Variants in PCDHGA11 observed in about 807,000 individuals in gnomAD.
PCDHGA11 encodes protocadherin gamma-A11.
A neutral mutation model predicts 60.4 loss-of-function variants in PCDHGA11; 39 were observed. The ratio of observed to expected loss-of-function variants is 0.65; its 90% CI spans 0.50 to 0.84. PCDHGA11 has a LOEUF of 0.84. Among genes scored for constraint, PCDHGA11 ranks in the 40% least tolerant of loss-of-function variants. PCDHGA11 has a pLI of 0.00. For missense variants in PCDHGA11, 1,165 were observed against 1,197.7 expected (o/e 0.97, Z 0.40); for synonymous variants, 533 against 510.3 (o/e 1.04, Z -0.60).
At chr5:141,494,772 G>C in intron 1 of PCDHGA11, 35 bp from the exon 2 acceptor site, 1 of 1,613,982 alleles carries the variant, frequency 6.2e-7, no homozygotes, top group Non-Finnish European at 8.5e-7. Context: ...ACTTCTCACG[G>C]GTACTCAGCC....
intron 1 of PCDHGA11, chr5:141,428,257 G>T: frequency 1.2e-6 from 1 of 865,866 alleles, no homozygotes; most frequent in South Asian, 1.4e-5. Context: ...AGACTTCAGT[G>T]ACAGTCCTGT....
chr5:141,510,910 A>C (rs780792326), intron 3 of PCDHGA11, 37 bp from the exon 4 acceptor site: 4 of 1,613,740 alleles, frequency 2.5e-6, no homozygotes, highest in Admixed American at 3.3e-5. Flanking sequence ...GAGGACCCTA[A>C]GTTTAGCTCC....
rs551220443 is a variant in PCDHGA11, at chr5:141,432,206, G to A, written c.2433+8546G>A. On this transcript the variant is annotated intron_variant, in intron 1 of 3. Transcript: ENST00000398587. The surrounding 1 kb of genome is among the most constrained non-coding windows in gnomAD (Gnocchi z 6.0). ...GACCGCCCACGACCCCGACTGTGAA[G>A]AGAACGCCCAGATCACTTATTCCCT... The A allele has an allele frequency of 6.2e-7, 1 of 1,614,096 alleles. No individual in the cohort carries two copies. Among genetic ancestry groups the A allele is most frequent in the Non-Finnish European group, 8.5e-7 (1 of 1,180,042 alleles).
chr5:141,478,418 C>A, intron 1 of PCDHGA11: 1 of 1,613,650 alleles, frequency 6.2e-7, no homozygotes, highest in Non-Finnish European at 8.5e-7. Context: ...GGACTCCCGC[C>A]GCAGCGACCC....
Position 141,494,770 on chromosome 5 carries a change from C to T in PCDHGA11, c.2434-37C>T, listed in dbSNP as rs767006872. 43 of 1,614,022 alleles carry T rather than the reference C, an allele frequency of 2.7e-5. No homozygotes were observed. In the East Asian group the frequency reaches 7.6e-4, roughly 28 times the overall value. On this transcript the variant is annotated intron_variant, in intron 1 of 3. Coordinates refer to ENST00000398587, the MANE Select transcript of PCDHGA11 (RefSeq NM_018914.3). ...GCTCGGGTGACATTCTAACTTCTCA[C>T]GGGTACTCAGCCCCTTTCCCTCTGT...
chr5:141,435,760 T>C (rs1241767830), intron 1 of PCDHGA11, among the ~76,000 whole-genome samples: 1 of 152,172 alleles, frequency 6.6e-6, no homozygotes, highest in Non-Finnish European at 1.5e-5. Context: ...TTGATTTCTT[T>C]TGGTGAATTC....
At chr5:141,472,022 T>C (rs949257396) in intron 1 of PCDHGA11, among the ~76,000 whole-genome samples, 1 of 152,176 alleles carries the variant, frequency 6.6e-6, no homozygotes, top group Non-Finnish European at 1.5e-5. Flanking sequence ...CTATATTGTA[T>C]GTAGAAAGCT....
At position 141,431,353 on chromosome 5, in the gene PCDHGA11, C is replaced by T. The variant is rs1273946805; in HGVS notation, c.2433+7693C>T. 1 of 1,613,940 alleles carries T rather than the reference C, an allele frequency of 6.2e-7. No homozygotes were observed. Among genetic ancestry groups the T allele is most frequent in the Non-Finnish European group, 8.5e-7 (1 of 1,180,042 alleles). On this transcript the variant is annotated intron_variant, in intron 1 of 3. Coordinates refer to ENST00000398587, the MANE Select transcript of PCDHGA11 (RefSeq NM_018914.3). This position sits in a 1 kb window ranked among gnomAD's most constrained non-coding sequence, Gnocchi z 4.8. ...AGTACCCCGAATTGGTGCTGAAACG[C>T]GCCCTGGACCGCGAAGAAAAGGCTG...
In PCDHGA11 at chr5:141,476,622, T is replaced by C. The variant is rs1480639256; in HGVS notation, c.2434-18185T>C. The C allele has an allele frequency of 6.2e-7, 1 of 1,614,238 alleles. No individual in the cohort carries two copies. The highest frequency in any genetic ancestry group is 2.2e-5 in the East Asian group (1 of 44,878). On this transcript the variant is annotated intron_variant, in intron 1 of 3. Transcript: ENST00000398587. This position sits in a 1 kb window ranked among gnomAD's most constrained non-coding sequence, Gnocchi z 7.6. ...GATCCCGATGTGGGAAGCAACTCTT[T>C]ACAAACCTATGAGCTGAGCCGAAAT...
chr5:141,428,891 G>A (rs1382228334), intron 1 of PCDHGA11: 3 of 149,832 alleles, frequency 2.0e-5, no homozygotes, highest in East Asian at 3.9e-4. Flanking sequence ...GTCTCGCTCT[G>A]TGGTCCAGGC....
chr5:141,487,661 C>A lies in PCDHGA11; in HGVS notation c.2434-7146C>A. ...ACAAATGCTTGAGGGTTATTCTGATCCAGGCATATGGCTAGGCCATGTCCT... is the reference window on the plus strand; with the variant it reads ...ACAAATGCTTGAGGGTTATTCTGATACAGGCATATGGCTAGGCCATGTCCT... On this transcript the variant is annotated intron_variant, in intron 1 of 3. Transcript: ENST00000398587. This position sits in a 1 kb window ranked among gnomAD's most constrained non-coding sequence, Gnocchi z 5.0. The A allele has an allele frequency of 6.2e-7, 1 of 1,613,366 alleles. No homozygotes were observed. Among genetic ancestry groups the A allele is most frequent in the Non-Finnish European group, 8.5e-7 (1 of 1,179,646 alleles).
Position 141,486,885 on chromosome 5 carries a change from G to A in PCDHGA11, c.2434-7922G>A, listed in dbSNP as rs139638334. On this transcript the variant is annotated intron_variant, in intron 1 of 3. Transcript: ENST00000398587. The surrounding 1 kb of genome is among the most constrained non-coding windows in gnomAD (Gnocchi z 5.0). ...CCAGCTGTGCTCCGTCCTCGGGCCC[G>A]GCCTGGTTCCTTATGTCCCCAAGCA... is the stretch of plus-strand genomic sequence containing the variant. 16 of 1,614,076 alleles carry A rather than the reference G, an allele frequency of 9.9e-6. No individual in the cohort carries two copies. The highest frequency in any genetic ancestry group is 1.6e-4 in the Middle Eastern group (1 of 6,084).
At position 141,427,172 on chromosome 5, in the gene PCDHGA11, TG is replaced by T. The variant is rs757372749; in HGVS notation, c.2433+3516del. ...ATATGTTTGTGCTAGACCATCAAAA[TG>T]GGGAAATTAAATCCAAAGACTTAAT... On this transcript the variant is annotated intron_variant, in intron 1 of 3. Coordinates refer to ENST00000398587, the MANE Select transcript of PCDHGA11 (RefSeq NM_018914.3). The T allele has an allele frequency of 3.9e-5, 18 of 456,596 alleles. 1 individual carries two copies. The highest frequency in any genetic ancestry group is 2.6e-4 in the South Asian group (17 of 64,568). 28.3% of individuals were successfully genotyped at this position (456,596 alleles called of 1,614,324 possible). A position where few individuals can be genotyped will look rare whatever the true frequency, so the allele number is the denominator to read the frequency against.
intron 1 of PCDHGA11, chr5:141,426,835 C>G (rs1038394702): frequency 6.6e-6 from 3 of 456,576 alleles, no homozygotes; most frequent in Non-Finnish European, 1.3e-5. Flanking sequence ...ATGGACAAGA[C>G]TAAAGGCAAG....
intron 1 of PCDHGA11, among the ~76,000 whole-genome samples, chr5:141,464,912 T>A (rs1303305860): frequency 2.6e-5 from 4 of 152,092 alleles, no homozygotes; most frequent in Non-Finnish European, 5.9e-5. Context: ...CTAATTTTTT[T>A]ATTTTTTTGT....
chr5:141,487,380 G>A lies in PCDHGA11; in HGVS notation c.2434-7427G>A. On this transcript the variant is annotated intron_variant, in intron 1 of 3. Transcript: ENST00000398587. This position sits in a 1 kb window ranked among gnomAD's most constrained non-coding sequence, Gnocchi z 5.0. ...GCTGGCACCTGTGCCTGTCTCACCA[G>A]ATCTCGAAGGAGGGAGGGGCTTCCC... is the stretch of plus-strand genomic sequence containing the variant. The A allele has an allele frequency of 1.2e-6, 2 of 1,614,202 alleles. No individual in the cohort carries two copies. The highest frequency in any genetic ancestry group is 2.2e-5 in the South Asian group (2 of 91,078).
chr5:141,504,645 T>C (rs1481469819), intron 2 of PCDHGA11, among the ~76,000 whole-genome samples: 2 of 112,538 alleles, frequency 1.8e-5, no homozygotes, highest in Non-Finnish European at 3.4e-5. Context: ...GGTTTGATGA[T>C]AGAGTGTTTG....
At chr5:141,465,318 A>G (rs1440554123) in intron 1 of PCDHGA11, among the ~76,000 whole-genome samples, 1 of 152,198 alleles carries the variant, frequency 6.6e-6, no homozygotes, top group Non-Finnish European at 1.5e-5. Flanking sequence ...AGCCATGTCA[A>G]TGCAGTATTT....
intron 1 of PCDHGA11, chr5:141,430,966 A>G: frequency 1.2e-6 from 2 of 1,612,916 alleles, no homozygotes. Context: ...TCATCCCCAG[A>G]GGTAGGACGC....
Sources: allele counts gnomAD v4.1 joint callset (sites outside exome capture counted in the v4.1 genomes callset), GRCh38; gene constraint gnomAD v4.1.1; non-coding constraint Gnocchi (gnomAD v3.1); transcripts MANE v1.5; gene names NCBI Gene and HGNC (gene_info 2026-07-23, HGNC 2026-07-21).